Variants in AAK1 observed in about 807,000 individuals in gnomAD.
AAK1 encodes the protein AP2-associated protein kinase 1.
In AAK1, 37 loss-of-function variants were observed where a neutral mutation model predicts 116.0. The ratio of observed to expected loss-of-function variants is 0.32; its 90% confidence interval spans 0.25 to 0.42. The LOEUF is 0.42. Among genes scored for constraint, AAK1 ranks in the 10% least tolerant of loss-of-function variants. AAK1 has a pLI of 1.00. For missense variants in AAK1, 919 were observed against 1,170.6 expected (o/e 0.79, Z 3.14); for synonymous variants, 458 against 439.9 (o/e 1.04, Z -0.51).
intron 2 of AAK1, among the ~76,000 whole-genome samples, chr2:69,581,147 T>C (rs1369279857): frequency 6.6e-6 from 1 of 152,224 alleles, no homozygotes; most frequent in African/African-American, 2.4e-5. Flanking sequence ...GGAATCTCAC[T>C]CTGTCTCCCA....
At chr2:69,490,741 T>A (rs1329646412) in intron 17 of AAK1, among the ~76,000 whole-genome samples, 1 of 152,106 alleles carries the variant, frequency 6.6e-6, no homozygotes, top group Non-Finnish European at 1.5e-5. Flanking sequence ...TGGATGGTAG[T>A]GATGGCTGCA....
intron 2 of AAK1, among the ~76,000 whole-genome samples, chr2:69,634,894 T>C (rs1675380267): frequency 1.3e-5 from 2 of 152,206 alleles, no homozygotes. Context: ...ACAGAACCAC[T>C]GCTCTAGACT....
intron 3 of AAK1, among the ~76,000 whole-genome samples, chr2:69,548,499 C>T (rs1217089610): frequency 2.7e-5 from 4 of 147,920 alleles, no homozygotes; most frequent in Middle Eastern, 3.5e-3. Context: ...TTTCTCTCTC[C>T]TTCCTTTCTC....
At chr2:69,638,312 T>G (rs1675538145) in intron 2 of AAK1, among the ~76,000 whole-genome samples, 1 of 152,224 alleles carries the variant, frequency 6.6e-6, no homozygotes. Flanking sequence ...TTCATACCTT[T>G]CGGTAACACT....
At chr2:69,480,189 A>G (rs1024012146) in intron 19 of AAK1, among the ~76,000 whole-genome samples, 1 of 151,796 alleles carries the variant, frequency 6.6e-6, no homozygotes, top group African/African-American at 2.4e-5. Context: ...ATTTATCCTC[A>G]CATTTCCTAG....
At chr2:69,480,777 G>T in intron 19 of AAK1, 83 bp downstream of exon 19, 2 of 1,210,156 alleles carry the variant, frequency 1.7e-6, no homozygotes, top group Non-Finnish European at 1.2e-6. Context: ...ATAAGCCCAG[G>T]AACGACTGAG....
At chr2:69,643,327 T>C (rs1573040650) in intron 1 of AAK1, 53 bp from the exon 2 acceptor site, 1 of 1,328,090 alleles carries the variant, frequency 7.5e-7, no homozygotes, top group Middle Eastern at 2.8e-4. Flanking sequence ...GCTTAAAAAT[T>C]CAACCGCTGA....
chr2:69,560,613 C>A (rs1364549159), intron 2 of AAK1, among the ~76,000 whole-genome samples: 4 of 152,228 alleles, frequency 2.6e-5, no homozygotes, highest in African/African-American at 4.8e-5. Context: ...ATAATTTTGA[C>A]ACAGACATGC....
chr2:69,522,566 G>T (rs1197252912), intron 10 of AAK1, among the ~76,000 whole-genome samples: 1 of 152,242 alleles, frequency 6.6e-6, no homozygotes, highest in African/African-American at 2.4e-5. Flanking sequence ...CACTCTGGGA[G>T]GCTGAGGCGG....
chr2:69,571,678 T>A (rs2105120392), intron 2 of AAK1, among the ~76,000 whole-genome samples: 1 of 152,296 alleles, frequency 6.6e-6, no homozygotes, highest in East Asian at 1.9e-4. Context: ...CTTGATGAGT[T>A]AGAATTTTTA....
intron 2 of AAK1, among the ~76,000 whole-genome samples, chr2:69,603,582 G>C (rs1653610123): frequency 6.6e-6 from 1 of 152,118 alleles, no homozygotes; most frequent in Non-Finnish European, 1.5e-5. Flanking sequence ...CTCACATGTA[G>C]GTTCTCACCA....
rs1342701205 is a variant in AAK1 at position 69,469,923 on chromosome 2, G to T, written c.*5946C>A. 2.0e-6 allele frequency: 2 copies of T among 985,212 alleles called. No homozygotes were observed. Among genetic ancestry groups the T allele is most frequent in the African/African-American group, 3.5e-5 (2 of 57,192 alleles). The allele number at this position is 985,212 out of a possible 1,614,324, so 61.0% of individuals were successfully genotyped here. A position where few individuals can be genotyped will look rare whatever the true frequency, so the allele number is the denominator to read the frequency against. The stretch of plus-strand genomic sequence containing the variant: ...TTCAGCAAGAACTCACATGCTTCAG[G>T]GAAGAGAAGGAGTTCCTAAAATACC... On this transcript the variant is annotated 3_prime_UTR_variant, in exon 22 of 22. Coordinates refer to ENST00000409085, the MANE Select transcript of AAK1 (RefSeq NM_014911.5).
intron 2 of AAK1, among the ~76,000 whole-genome samples, chr2:69,566,765 G>C (rs1464884138): frequency 6.6e-6 from 1 of 152,152 alleles, no homozygotes; most frequent in Non-Finnish European, 1.5e-5. Flanking sequence ...AAGAGTTTAA[G>C]AAATCAAGTT....
At chr2:69,576,931 G>A (rs987768173) in intron 2 of AAK1, among the ~76,000 whole-genome samples, 4 of 152,260 alleles carry the variant, frequency 2.6e-5, no homozygotes, top group East Asian at 3.9e-4. Context: ...CATTCTCCAC[G>A]GCATTAAGAC....
At chr2:69,506,900 T>C (rs1049183074) in intron 15 of AAK1, among the ~76,000 whole-genome samples, 11 of 130,642 alleles carry the variant, frequency 8.4e-5, no homozygotes, top group African/African-American at 3.8e-4. Context: ...GTGTGTGTCC[T>C]GCCTTCCAAA....
Position 69,469,438 on chromosome 2 carries a change from C to T in AAK1, c.*6431G>A. 3 of 985,440 alleles carry T rather than the reference C, an allele frequency of 3.0e-6. No homozygotes were observed. The highest frequency in any genetic ancestry group is 3.6e-6 in the Non-Finnish European group (3 of 829,942). 61.0% of individuals were successfully genotyped at this position (985,440 alleles called of 1,614,324 possible). A position where few individuals can be genotyped will look rare whatever the true frequency, so the allele number is the denominator to read the frequency against. On this transcript the variant is annotated 3_prime_UTR_variant, in exon 22 of 22. Coordinates refer to ENST00000409085, the MANE Select transcript of AAK1 (RefSeq NM_014911.5). Reference sequence around the variant, plus strand: ...TGTTCTTACAGGGAAAATGTGTTTTCAGGGTGAACAGTTCCTTTATATGAA... The same window carrying T: ...TGTTCTTACAGGGAAAATGTGTTTTTAGGGTGAACAGTTCCTTTATATGAA...
intron 16 of AAK1, among the ~76,000 whole-genome samples, chr2:69,502,185 G>A (rs1202195754): frequency 6.6e-6 from 1 of 151,962 alleles, no homozygotes; most frequent in African/African-American, 2.4e-5. Flanking sequence ...ATATATTGTT[G>A]TACTTTAATG....
At chr2:69,595,096 TTTTG>T in intron 2 of AAK1, 1 of 639,510 alleles carries the variant, frequency 1.6e-6, no homozygotes, top group Non-Finnish European at 2.9e-6. Context: ...AAAGCTAGGA[TTTTG>T]TTTCTTTTTT....
chr2:69,576,332 T>C (rs190274662), intron 2 of AAK1, among the ~76,000 whole-genome samples: 1 of 142,426 alleles, frequency 7.0e-6, no homozygotes, highest in Admixed American at 6.8e-5. Flanking sequence ...ATGCTTGAGG[T>C]TTTTTTTTTC....
Sources: allele counts gnomAD v4.1 joint callset (sites outside exome capture counted in the v4.1 genomes callset), GRCh38; gene constraint gnomAD v4.1.1; transcripts MANE v1.5; gene names NCBI Gene and HGNC (gene_info 2026-07-23, HGNC 2026-07-21).